Variants in MEGF11 observed in about 807,000 individuals in gnomAD.
MEGF11 encodes the protein multiple EGF like domains 11.
In MEGF11, 126 loss-of-function variants were observed where a neutral mutation model predicts 146.6. The observed-to-expected ratio is 0.86, with a 90% CI of 0.74 to 1.00. The LOEUF is 1.00. Among genes scored for constraint, MEGF11 ranks in the 50% least tolerant of loss-of-function variants. The pLI is 0.00. For synonymous variants in MEGF11, 532 were observed against 583.4 expected, an observed-to-expected ratio of 0.91 and a Z score of 1.27; for missense variants, 1,509 against 1,521.2, an observed-to-expected ratio of 0.99 and a Z score of 0.13.
At chr15:66,027,050 A>G (rs2083353705) in intron 5 of MEGF11, among the ~76,000 whole-genome samples, 1 of 152,162 alleles carries the variant, frequency 6.6e-6, no homozygotes, top group African/African-American at 2.4e-5. Flanking sequence ...GGTAGCCCTC[A>G]TGCACCAGCA....
intron 1 of MEGF11, among the ~76,000 whole-genome samples, chr15:66,144,301 G>T (rs1487875407): frequency 6.6e-6 from 1 of 152,110 alleles, no homozygotes. Flanking sequence ...AGCCAAGATG[G>T]AGAACCACCC....
chr15:65,982,443 T>G lies in MEGF11; in HGVS notation c.440A>C (p.Gln147Pro). The G allele has an allele frequency of 6.7e-7, 1 of 1,492,534 alleles. No individual in the cohort carries two copies. 92.5% of individuals were successfully genotyped at this position (1,492,534 alleles called of 1,614,324 possible). ...HWGPHCSNRC[Q>P]CQNGALCNPI... Reference sequence around the variant, plus strand: ...GTTACACAGGGCGCCGTTCTGGCACTGGCACCGGTTGCTGCAGTGGGGCCC... The same window carrying G: ...GTTACACAGGGCGCCGTTCTGGCACGGGCACCGGTTGCTGCAGTGGGGCCC... The change falls in exon 6 of 26, where the codon CAG becomes CCG. Residue 147 changes from glutamine to proline, a missense_variant. Transcript: ENST00000395614. The surrounding 1 kb of genome is among the most constrained non-coding windows in gnomAD (Gnocchi z 5.6).
chr15:66,096,458 C>T (rs1567238341), intron 4 of MEGF11, among the ~76,000 whole-genome samples: 1 of 152,232 alleles, frequency 6.6e-6, no homozygotes, highest in Admixed American at 6.5e-5. Flanking sequence ...GAGGAAGGAG[C>T]TTGGGGTGGC....
chr15:65,951,496 G>A (rs377336403), intron 10 of MEGF11, among the ~76,000 whole-genome samples: 9 of 152,156 alleles, frequency 5.9e-5, no homozygotes, highest in African/African-American at 1.9e-4. Flanking sequence ...AGACCAGCCT[G>A]GCCAACATGG....
intron 24 of MEGF11, among the ~76,000 whole-genome samples, chr15:65,899,594 A>G (rs925904970): frequency 2.6e-5 from 4 of 152,206 alleles, no homozygotes; most frequent in African/African-American, 7.2e-5. Flanking sequence ...TTGACAGCCT[A>G]TAAGTGGCAG....
chr15:66,096,295 C>T (rs895477878), intron 4 of MEGF11, among the ~76,000 whole-genome samples: 2 of 152,202 alleles, frequency 1.3e-5, no homozygotes, highest in East Asian at 3.9e-4. Context: ...CTGCCGAGGG[C>T]GGTGAAATCA....
intron 5 of MEGF11, among the ~76,000 whole-genome samples, chr15:66,010,591 C>T (rs2082680661): frequency 6.6e-6 from 1 of 152,192 alleles, no homozygotes; most frequent in African/African-American, 2.4e-5. Context: ...GGTTGGACAG[C>T]TCTATTGAAT....
chr15:66,047,752 C>T (rs540433115), intron 5 of MEGF11, among the ~76,000 whole-genome samples: 3 of 152,172 alleles, frequency 2.0e-5, no homozygotes, highest in Admixed American at 6.5e-5. Flanking sequence ...GAGTCTGGGC[C>T]GAGCGGCTCT....
intron 5 of MEGF11, among the ~76,000 whole-genome samples, chr15:66,000,332 C>T (rs576534471): frequency 3.0e-4 from 45 of 152,242 alleles, no homozygotes; most frequent in African/African-American, 8.4e-4. Context: ...AGTTCAAGGC[C>T]GGCTTGGGCA....
At chr15:66,068,719 T>A (rs2899714) in intron 5 of MEGF11, among the ~76,000 whole-genome samples, 75,984 of 152,038 alleles carry the variant, frequency 0.5, 20,218 homozygotes, top group Non-Finnish European at 0.59. Flanking sequence ...GGCTGGTTGC[T>A]GCTGCTCTGT....
rs911284736 is a variant in MEGF11 at position 65,982,598 on chromosome 15, G to A, written c.395-110C>T. On this transcript the variant is annotated intron_variant, in intron 5 of 25. Coordinates refer to ENST00000395614, the MANE Select transcript of MEGF11 (RefSeq NM_001385028.1). This position sits in a 1 kb window ranked among gnomAD's most constrained non-coding sequence, Gnocchi z 5.6. ...TCCCATCTTTGCAGCGCTGCTCCCC[G>A]GACAGGTGGCAGCAAGGGGTGCCTG... 1.6e-5 allele frequency: 21 copies of A among 1,311,302 alleles called. No homozygotes were observed. The African/African-American group carries it at 2.8e-4, about 17-fold the overall frequency. 81.2% of individuals were successfully genotyped at this position (1,311,302 alleles called of 1,614,324 possible).
intron 5 of MEGF11, among the ~76,000 whole-genome samples, chr15:66,083,386 T>A (rs1331320807): frequency 6.6e-6 from 1 of 152,026 alleles, no homozygotes. Flanking sequence ...GCTTCGAGAG[T>A]CTCTAGCAAA....
chr15:66,012,083 C>T (rs2082727233), intron 5 of MEGF11, among the ~76,000 whole-genome samples: 1 of 151,630 alleles, frequency 6.6e-6, no homozygotes, highest in Admixed American at 6.6e-5. Context: ...AAAAAATTAG[C>T]CAGGCGTGGT....
chr15:65,972,947 G>A (rs544992711), intron 7 of MEGF11, among the ~76,000 whole-genome samples: 104 of 152,162 alleles, frequency 6.8e-4, no homozygotes, highest in African/African-American at 2.2e-3. Context: ...GAGAAACCCC[G>A]TCTCTAATAA....
At chr15:66,210,064 G>A (rs2091405657) in intron 1 of MEGF11, among the ~76,000 whole-genome samples, 1 of 152,034 alleles carries the variant, frequency 6.6e-6, no homozygotes, top group African/African-American at 2.4e-5. Flanking sequence ...GAGTTCAAGC[G>A]ATCCTTCTGC....
intron 5 of MEGF11, among the ~76,000 whole-genome samples, chr15:66,020,061 C>T (rs965266138): frequency 6.6e-6 from 1 of 152,162 alleles, no homozygotes; most frequent in Non-Finnish European, 1.5e-5. Flanking sequence ...ATAAAGCCAC[C>T]GCCCCTCCCC....
intron 5 of MEGF11, among the ~76,000 whole-genome samples, chr15:66,061,828 G>T (rs1188662565): frequency 6.6e-6 from 1 of 152,034 alleles, no homozygotes; most frequent in Non-Finnish European, 1.5e-5. Context: ...GTAGAAACAG[G>T]GTCTCCCTAT....
chr15:66,152,624 G>A (rs2089611219), intron 1 of MEGF11, among the ~76,000 whole-genome samples: 1 of 152,154 alleles, frequency 6.6e-6, no homozygotes, highest in Admixed American at 6.5e-5. Context: ...CTTCTCTCTG[G>A]ACCATTATGT....
chr15:66,245,994 C>G (rs1266244268), intron 1 of MEGF11, among the ~76,000 whole-genome samples: 1 of 151,956 alleles, frequency 6.6e-6, no homozygotes, highest in Non-Finnish European at 1.5e-5. Context: ...GGCATGGTGG[C>G]TCACTCCTGT....
Sources: allele counts gnomAD v4.1 joint callset (sites outside exome capture counted in the v4.1 genomes callset), GRCh38; gene constraint gnomAD v4.1.1; non-coding constraint Gnocchi (gnomAD v3.1); transcripts MANE v1.5; gene names NCBI Gene and HGNC (gene_info 2026-07-23, HGNC 2026-07-21).